The following EIF4G3 variants were observed in gnomAD, a reference collection of about 807,000 sequenced individuals.
The protein encoded by EIF4G3 is eIF-4-gamma 3.
Under a neutral mutation model 186.4 loss-of-function variants are expected in EIF4G3, and 34 were observed. That is an observed-to-expected ratio of 0.18 (90% confidence interval 0.14 to 0.24). EIF4G3 has a LOEUF of 0.24. Ranked by LOEUF, EIF4G3 falls within the 10% of genes least tolerant of loss-of-function variation. EIF4G3 has a pLI of 1.00. For missense variants in EIF4G3, 1,536 were observed against 1,948.5 expected (o/e 0.79, Z 3.99); for synonymous variants, 673 against 679.5 (o/e 0.99, Z 0.15).
At chr1:20,978,421 G>A (rs1030381819) in intron 10 of EIF4G3, among the ~76,000 whole-genome samples, 1 of 152,090 alleles carries the variant, frequency 6.6e-6, no homozygotes, top group African/African-American at 2.4e-5. Context: ...ATTTAGTGAG[G>A]TTATATAAAA....
intron 14 of EIF4G3, among the ~76,000 whole-genome samples, chr1:20,912,591 G>A (rs1056806766): frequency 1.3e-5 from 2 of 152,144 alleles, no homozygotes; most frequent in Non-Finnish European, 1.5e-5. Flanking sequence ...TAATGCTCAG[G>A]GAACAGCCCC....
chr1:20,809,812 T>C (rs146488266), intron 36 of EIF4G3, among the ~76,000 whole-genome samples: 48 of 152,344 alleles, frequency 3.2e-4, no homozygotes, highest in Non-Finnish European at 5.3e-4. Context: ...TATTTAAGTA[T>C]AGAATTGCCA....
chr1:21,163,919 G>A (rs551326987), intron 2 of EIF4G3, among the ~76,000 whole-genome samples: 19 of 151,996 alleles, frequency 1.3e-4, no homozygotes, highest in Non-Finnish European at 2.2e-4. Context: ...TTACAAGCAC[G>A]TGCCACCACA....
chr1:20,945,009 CAAACAAAACA>C (rs201926748), intron 13 of EIF4G3, among the ~76,000 whole-genome samples: 6 of 151,956 alleles, frequency 3.9e-5, no homozygotes, highest in Admixed American at 6.6e-5. Context: ...GACTCTATCT[CAAACAAAACA>C]AAACAAAACA....
Position 20,815,539 on chromosome 1 carries a change from G to A in EIF4G3, c.4515+1853C>T, listed in dbSNP as rs987289311. Among the ~76,000 whole-genome samples, 86 of 151,754 alleles carry A rather than the reference G, an allele frequency of 5.7e-4. 1 individual carries two copies. Among genetic ancestry groups the A allele is most frequent in the Non-Finnish European group, 1.1e-3 (77 of 67,846 alleles). ...CGTCTGAGAAGTGAGGAAACCCTCT[G>A]CCTGGCAACCGCCCCGTCTGAGAAG... On this transcript the variant is annotated intron_variant, in intron 34 of 36. Transcript: ENST00000602326.
At chr1:21,102,719 ATTC>A (rs1336425792) in intron 2 of EIF4G3, among the ~76,000 whole-genome samples, 1 of 152,180 alleles carries the variant, frequency 6.6e-6, no homozygotes, top group African/African-American at 2.4e-5. Flanking sequence ...CTCTCCAGGT[ATTC>A]TTTATAGTCA....
rs956039621 is a variant in EIF4G3, at chr1:20,826,650, T to G, written c.4269+967A>C. ...GACTACAGGTGCGTGCCACCATGCCTGGCTAATTTTTGTATTTTTAGTAGA... is the reference window on the plus strand; with the variant it reads ...GACTACAGGTGCGTGCCACCATGCCGGGCTAATTTTTGTATTTTTAGTAGA... On this transcript the variant is annotated intron_variant, in intron 32 of 36. Coordinates refer to ENST00000602326, the MANE Select transcript of EIF4G3 (RefSeq NM_001391906.1). Among the ~76,000 whole-genome samples the G allele has an allele frequency of 4.6e-5, 7 of 151,896 alleles. No homozygotes were observed. In the East Asian group the frequency reaches 5.8e-4, roughly 13 times the overall value.
At chr1:20,857,537 A>G (rs761688655) in intron 24 of EIF4G3, 40 bp from the exon 25 acceptor site, 1 of 1,528,286 alleles carries the variant, frequency 6.5e-7, no homozygotes, top group Admixed American at 1.7e-5. Flanking sequence ...ATCTGTCTCA[A>G]GTCAGTTTTA....
intron 24 of EIF4G3, 52 bp downstream of exon 24, chr1:20,860,333 T>A: frequency 6.2e-7 from 1 of 1,608,136 alleles, no homozygotes; most frequent in South Asian, 1.1e-5. Context: ...ATTCTTAATA[T>A]GTATTCCTGA....
At chr1:20,964,828 G>T (rs1477458674) in intron 12 of EIF4G3, among the ~76,000 whole-genome samples, 1 of 152,138 alleles carries the variant, frequency 6.6e-6, no homozygotes, top group East Asian at 1.9e-4. Context: ...TAACACCAGA[G>T]TCCTGTAAGT....
intron 2 of EIF4G3, among the ~76,000 whole-genome samples, chr1:21,112,454 C>T (rs2096742301): frequency 6.6e-6 from 1 of 152,064 alleles, no homozygotes; most frequent in Non-Finnish European, 1.5e-5. Context: ...ATAACATTAA[C>T]AGGAAGAATA....
chr1:21,023,338 G>C (rs1278323874), intron 4 of EIF4G3, among the ~76,000 whole-genome samples: 3 of 145,812 alleles, frequency 2.1e-5, no homozygotes, highest in Non-Finnish European at 4.5e-5. Flanking sequence ...GGACTGTACT[G>C]CTGCCATCTC....
At chr1:20,823,556 A>T (rs1383007073) in intron 33 of EIF4G3, among the ~76,000 whole-genome samples, 1 of 151,762 alleles carries the variant, frequency 6.6e-6, no homozygotes, top group Non-Finnish European at 1.5e-5. Flanking sequence ...ATTTTTTTTT[A>T]GTAGAGACAG....
chr1:20,941,541 T>C lies in EIF4G3; in HGVS notation c.1613A>G (p.Glu538Gly). Residue 538 changes from glutamate to glycine, a missense_variant, in exon 14 of 37, where the codon GAA becomes GGA. This residue lies in a region of EIF4G3 where 560 missense variants were observed against 547.8 expected (regional missense o/e 1.02). Coordinates refer to ENST00000602326, the MANE Select transcript of EIF4G3 (RefSeq NM_001391906.1). Reference protein sequence around the residue: ...KIEVEADGQTEEILDSQNLNS... With the variant: ...KIEVEADGQTGEILDSQNLNS... The stretch of plus-strand genomic sequence containing the variant: ...TAAGTTTTGAGAATCCAAAATCTCT[T>C]CTGTTTGCCCATCTGCTTCTACCTC... The C allele has an allele frequency of 6.2e-7, 1 of 1,612,812 alleles. No individual in the cohort carries two copies. The highest frequency in any genetic ancestry group is 8.5e-7 in the Non-Finnish European group (1 of 1,179,608).
intron 2 of EIF4G3, among the ~76,000 whole-genome samples, chr1:21,118,931 T>TAAAAA (rs35040627): frequency 7.0e-5 from 6 of 86,142 alleles, no homozygotes; most frequent in African/African-American, 1.9e-4. Context: ...CAAGCTCTAT[T>TAAAAA]AAAAAAAAAA....
chr1:20,900,955 T>C (rs969672699), intron 15 of EIF4G3, among the ~76,000 whole-genome samples: 1 of 152,210 alleles, frequency 6.6e-6, no homozygotes, highest in Non-Finnish European at 1.5e-5. Context: ...AAAACAGATA[T>C]AATACTAGTA....
chr1:21,122,404 A>C (rs974579678), intron 2 of EIF4G3, among the ~76,000 whole-genome samples: 2 of 152,194 alleles, frequency 1.3e-5, no homozygotes, highest in African/African-American at 4.8e-5. Context: ...AAAACCAAAA[A>C]ACTAAATGAC....
chr1:20,818,340 T>TA (rs1279983512), intron 33 of EIF4G3, among the ~76,000 whole-genome samples: 1 of 152,144 alleles, frequency 6.6e-6, no homozygotes, highest in Non-Finnish European at 1.5e-5. Context: ...TACATAGTTT[T>TA]AAAAAATCTA....
chr1:20,888,252 T>C (rs1441803891), intron 18 of EIF4G3, among the ~76,000 whole-genome samples: 5 of 152,094 alleles, frequency 3.3e-5, no homozygotes, highest in Non-Finnish European at 7.4e-5. Context: ...CGTGAGAAAG[T>C]AACAATAATG....
Sources: allele counts gnomAD v4.1 joint callset (sites outside exome capture counted in the v4.1 genomes callset), GRCh38; gene constraint gnomAD v4.1.1; regional missense constraint gnomAD v4.1.1; transcripts MANE v1.5; gene names NCBI Gene and HGNC (gene_info 2026-07-23, HGNC 2026-07-21).